The following DYM variants were observed in gnomAD, a reference collection of about 807,000 sequenced individuals.
The protein encoded by DYM is dyggve-Melchior-Clausen syndrome protein.
Under a neutral mutation model 93.1 loss-of-function variants are expected in DYM, and 78 were observed. The ratio of observed to expected loss-of-function variants is 0.84; its 90% confidence interval spans 0.70 to 1.01. DYM has a LOEUF of 1.01. Among genes scored for constraint, DYM ranks in the 50% least tolerant of loss-of-function variants. The pLI is 0.00. For missense variants in DYM, 789 were observed against 845.0 expected (o/e 0.93, Z 0.82); for synonymous variants, 321 against 319.7 (o/e 1.00, Z -0.04).
At chr18:49,424,735 C>A (rs1429155435) in intron 2 of DYM, among the ~76,000 whole-genome samples, 2 of 152,138 alleles carry the variant, frequency 1.3e-5, no homozygotes, top group Non-Finnish European at 2.9e-5. Context: ...CACAAGCATT[C>A]TTATACACCA....
At chr18:49,316,687 T>C (rs2061964489) in intron 8 of DYM, among the ~76,000 whole-genome samples, 1 of 152,110 alleles carries the variant, frequency 6.6e-6, no homozygotes, top group South Asian at 2.1e-4. Flanking sequence ...TGCCCCAAAA[T>C]GCTCTGTGCT....
intron 15 of DYM, among the ~76,000 whole-genome samples, chr18:49,162,390 A>G (rs997835123): frequency 1.3e-5 from 2 of 152,190 alleles, no homozygotes; most frequent in African/African-American, 4.8e-5. Flanking sequence ...GCATCCCAAG[A>G]TGATGCAGGG....
intron 8 of DYM, among the ~76,000 whole-genome samples, chr18:49,294,244 T>C (rs573268047): frequency 2.0e-5 from 3 of 152,338 alleles, no homozygotes; most frequent in South Asian, 4.1e-4. Flanking sequence ...TGAAGTCAGG[T>C]AGCATGATGC....
intron 13 of DYM, among the ~76,000 whole-genome samples, chr18:49,223,920 A>T (rs760617664): frequency 4.6e-5 from 7 of 152,110 alleles, no homozygotes; most frequent in Admixed American, 1.3e-4. Context: ...CCTTCATTCT[A>T]GGAACAATGG....
rs1018058800 is a variant in DYM at position 49,288,439 on chromosome 18, G to A, written c.764-1823C>T. On this transcript the variant is annotated intron_variant, in intron 8 of 17. Coordinates refer to ENST00000675505, the MANE Select transcript of DYM (RefSeq NM_001353214.3). ...AAGACCATATGAGATCTGAATTAAT[G>A]TAAAGGCATAACATGTTTCTGGACA... Among the ~76,000 whole-genome samples, 3 of 152,126 alleles carry A rather than the reference G, an allele frequency of 2.0e-5. No individual in the cohort carries two copies. The East Asian group carries it at 5.8e-4, about 29-fold the overall frequency.
intron 1 of DYM, among the ~76,000 whole-genome samples, chr18:49,453,497 A>G (rs564089931): frequency 1.3e-5 from 2 of 152,308 alleles, no homozygotes; most frequent in South Asian, 2.1e-4. Context: ...CGAACCCACC[A>G]GAAGGAAGAA....
intron 8 of DYM, among the ~76,000 whole-genome samples, chr18:49,300,612 A>G (rs927750160): frequency 6.6e-6 from 1 of 152,108 alleles, no homozygotes; most frequent in African/African-American, 2.4e-5. Flanking sequence ...AAAAAAAAAA[A>G]GGTTTCTACA....
intron 13 of DYM, among the ~76,000 whole-genome samples, chr18:49,242,373 C>T (rs529582966): frequency 6.6e-6 from 1 of 152,282 alleles, no homozygotes; most frequent in East Asian, 1.9e-4. Flanking sequence ...GGAAGTGCCA[C>T]TACACTCCAG....
chr18:49,422,424 GAAAT>G (rs1234501863), intron 2 of DYM, among the ~76,000 whole-genome samples: 1 of 152,066 alleles, frequency 6.6e-6, no homozygotes, highest in African/African-American at 2.4e-5. Context: ...AAGTGAAGGA[GAAAT>G]AAAATACAAA....
intron 15 of DYM, among the ~76,000 whole-genome samples, chr18:49,162,008 G>C (rs2087215243): frequency 6.6e-6 from 1 of 152,204 alleles, no homozygotes; most frequent in Non-Finnish European, 1.5e-5. Context: ...TGGAGATTTA[G>C]AGCTGTCCTT....
chr18:49,426,144 C>T (rs889427002), intron 2 of DYM, among the ~76,000 whole-genome samples: 3 of 152,048 alleles, frequency 2.0e-5, no homozygotes, highest in African/African-American at 7.2e-5. Context: ...TTGGAACCAA[C>T]CTAAATGTCC....
chr18:49,155,808 T>C (rs2086345135), intron 15 of DYM, among the ~76,000 whole-genome samples: 1 of 152,260 alleles, frequency 6.6e-6, no homozygotes, highest in Non-Finnish European at 1.5e-5. Flanking sequence ...TATTTATTCA[T>C]TTGTCTTCTG....
chr18:49,413,774 C>T (rs2072574326), intron 2 of DYM, among the ~76,000 whole-genome samples: 1 of 152,136 alleles, frequency 6.6e-6, no homozygotes, highest in Admixed American at 6.5e-5. Context: ...CTTTGGGAGG[C>T]CAAGGCAGGC....
At chr18:49,249,351 A>G (rs188326698) in intron 13 of DYM, among the ~76,000 whole-genome samples, 1 of 152,118 alleles carries the variant, frequency 6.6e-6, no homozygotes, top group African/African-American at 2.4e-5. Flanking sequence ...TCATAATCAT[A>G]TATTATGTTA....
At chr18:49,228,086 A>G (rs1295360235) in intron 13 of DYM, among the ~76,000 whole-genome samples, 3 of 152,174 alleles carry the variant, frequency 2.0e-5, no homozygotes, top group East Asian at 1.9e-4. Flanking sequence ...CAATAATCAT[A>G]GAATCTTTGA....
Position 49,430,133 on chromosome 18 carries a change from CTATG to C in DYM, c.140+118_140+121del, listed in dbSNP as rs2074666753. The C allele has an allele frequency of 1.4e-5, 14 of 968,932 alleles. No homozygotes were observed. In the East Asian group the frequency reaches 3.4e-4, roughly 24 times the overall value. 60.0% of individuals were successfully genotyped at this position (968,932 alleles called of 1,614,324 possible). A position where few individuals can be genotyped will look rare whatever the true frequency, so the allele number is the denominator to read the frequency against. Reference sequence around the variant, plus strand: ...CAAATCTTTTGGATTTTCTACTGATCTATGTATGACAGATAGACTAGATAGATAG... The same window carrying C: ...CAAATCTTTTGGATTTTCTACTGATCTATGACAGATAGACTAGATAGATAG... On this transcript the variant is annotated intron_variant, in intron 2 of 17. Transcript: ENST00000675505.
At chr18:49,233,519 T>C (rs1483815622) in intron 13 of DYM, among the ~76,000 whole-genome samples, 4 of 152,208 alleles carry the variant, frequency 2.6e-5, no homozygotes, top group Non-Finnish European at 5.9e-5. Context: ...AATCTAACCC[T>C]ATGTCCCTCT....
intron 2 of DYM, among the ~76,000 whole-genome samples, chr18:49,398,914 T>C (rs1440189885): frequency 2.6e-5 from 4 of 152,234 alleles, no homozygotes; most frequent in African/African-American, 9.6e-5. Context: ...AAAAGCTTTA[T>C]GAAATTAATA....
chr18:49,422,943 T>C (rs1326789096), intron 2 of DYM, among the ~76,000 whole-genome samples: 1 of 152,078 alleles, frequency 6.6e-6, no homozygotes, highest in Middle Eastern at 3.2e-3. Flanking sequence ...CACACAATAA[T>C]AATGGGAGAC....
Sources: allele counts gnomAD v4.1 joint callset (sites outside exome capture counted in the v4.1 genomes callset), GRCh38; gene constraint gnomAD v4.1.1; transcripts MANE v1.5; gene names NCBI Gene and HGNC (gene_info 2026-07-23, HGNC 2026-07-21).